Variants in HTR7 observed in about 807,000 individuals in gnomAD.
HTR7 encodes the protein 5-hydroxytryptamine receptor 7.
In HTR7, 16 loss-of-function variants were observed where a neutral mutation model predicts 34.0. The ratio of observed to expected loss-of-function variants is 0.47; its 90% CI spans 0.32 to 0.71. The LOEUF (loss-of-function observed/expected upper bound fraction) is 0.71. Among genes scored for constraint, HTR7 ranks in the 30% least tolerant of loss-of-function variants. The pLI is 0.04. For synonymous variants in HTR7, 265 were observed against 260.2 expected (o/e 1.02, Z -0.18); for missense variants, 504 against 625.5 (o/e 0.81, Z 2.07).
chr10:90,829,067 T>TG (rs1846126216), intron 1 of HTR7, among the ~76,000 whole-genome samples: 1 of 152,182 alleles, frequency 6.6e-6, no homozygotes, highest in South Asian at 2.1e-4. Flanking sequence ...GTGGGATTTA[T>TG]CCCAGGTATG....
At chr10:90,847,676 A>G (rs75515964) in intron 1 of HTR7, among the ~76,000 whole-genome samples, 5,285 of 152,280 alleles carry the variant, frequency 0.035, 114 homozygotes, top group Middle Eastern at 0.095. Context: ...TCAGAGCTAA[A>G]TATTACAGCT....
At chr10:90,826,347 C>T (rs1010421926) in intron 1 of HTR7, among the ~76,000 whole-genome samples, 1 of 152,006 alleles carries the variant, frequency 6.6e-6, no homozygotes, top group Non-Finnish European at 1.5e-5. Context: ...TACAAGTAAA[C>T]GGAATTTTTT....
chr10:90,769,384 AT>A (rs147096230), intron 1 of HTR7, among the ~76,000 whole-genome samples: 76 of 152,342 alleles, frequency 5.0e-4, no homozygotes, highest in African/African-American at 1.8e-3. Context: ...TTGTTAATTA[AT>A]TTGCCCATTT....
rs1391703997 is a variant in HTR7, at chr10:90,836,656, C to T, written c.539+20477G>A. The stretch of plus-strand genomic sequence containing the variant: ...CTCCTGAGTGGCTAGGACTTACAGG[C>T]GTGTACCACCACACCAGAATTTTTT... On this transcript the variant is annotated intron_variant, in intron 1 of 3. Coordinates refer to ENST00000336152, the MANE Select transcript of HTR7 (RefSeq NM_019859.4). 4.0e-5 allele frequency among the ~76,000 whole-genome samples: 6 copies of T among 151,752 alleles called. No individual in the cohort carries two copies. In the South Asian group the frequency reaches 1.3e-3, roughly 32 times the overall value.
chr10:90,780,976 C>G (rs1361420163), intron 1 of HTR7, among the ~76,000 whole-genome samples: 2 of 152,160 alleles, frequency 1.3e-5, no homozygotes, highest in Non-Finnish European at 2.9e-5. Flanking sequence ...ACATCTATGA[C>G]AGATATGGCT....
At chr10:90,769,269 A>T (rs1845070727) in intron 1 of HTR7, among the ~76,000 whole-genome samples, 1 of 152,180 alleles carries the variant, frequency 6.6e-6, no homozygotes. Context: ...TTGTCTCCAT[A>T]TTTCATACTT....
In HTR7 at chr10:90,742,468, C is replaced by G. The variant is rs533513395; in HGVS notation, c.*14G>C. The G allele has an allele frequency of 1.9e-6, 3 of 1,597,120 alleles. No homozygotes were observed. The highest frequency in any genetic ancestry group is 2.6e-6 in the Non-Finnish European group (3 of 1,170,900). On this transcript the variant is annotated 3_prime_UTR_variant, in exon 4 of 4. Transcript: ENST00000336152. ...CTATTTTGCCTTGTTTATTTCATCT[C>G]CATTGTTCTGCTTTCAATCATGAAT...
intron 1 of HTR7, among the ~76,000 whole-genome samples, chr10:90,834,713 C>A (rs1846228511): frequency 6.6e-6 from 1 of 152,070 alleles, no homozygotes; most frequent in Non-Finnish European, 1.5e-5. Flanking sequence ...TGGTAGCTAG[C>A]AGTCACAGGG....
chr10:90,783,201 G>A (rs1217774991), intron 1 of HTR7, among the ~76,000 whole-genome samples: 2 of 152,118 alleles, frequency 1.3e-5, no homozygotes, highest in Non-Finnish European at 2.9e-5. Context: ...TCAGGAGAAG[G>A]ATGAACTTAG....
At chr10:90,814,933 A>T (rs926913451) in intron 1 of HTR7, among the ~76,000 whole-genome samples, 1 of 152,206 alleles carries the variant, frequency 6.6e-6, no homozygotes, top group Non-Finnish European at 1.5e-5. Context: ...GTGAACCAAG[A>T]TATGGATTGA....
chr10:90,812,433 T>C lies in HTR7; in HGVS notation c.539+44700A>G, dbSNP rs1360141206. Among the ~76,000 whole-genome samples the C allele has an allele frequency of 3.9e-5, 6 of 152,384 alleles. No individual in the cohort carries two copies. The East Asian group carries it at 7.7e-4, about 20-fold the overall frequency. On this transcript the variant is annotated intron_variant, in intron 1 of 3. Coordinates refer to ENST00000336152, the MANE Select transcript of HTR7 (RefSeq NM_019859.4). ...TAAATAATCTTTGCTGGCAGGACTATGCTGAATCTCCTTAGGCACTCTCTA... is the reference window on the plus strand; with the variant it reads ...TAAATAATCTTTGCTGGCAGGACTACGCTGAATCTCCTTAGGCACTCTCTA...
chr10:90,851,053 G>A (rs955443227), intron 1 of HTR7, among the ~76,000 whole-genome samples: 1 of 151,856 alleles, frequency 6.6e-6, no homozygotes, highest in African/African-American at 2.4e-5. Flanking sequence ...GTAAATAAAC[G>A]ACAATAACAA....
intron 2 of HTR7, 139 bp downstream of exon 2, chr10:90,748,700 T>C: frequency 3.1e-6 from 3 of 974,838 alleles, no homozygotes; most frequent in Non-Finnish European, 4.6e-6. Context: ...CTGGAGTCTA[T>C]ACTGTTGTCA....
chr10:90,821,233 G>A (rs1845976003), intron 1 of HTR7, among the ~76,000 whole-genome samples: 1 of 152,092 alleles, frequency 6.6e-6, no homozygotes, highest in Non-Finnish European at 1.5e-5. Flanking sequence ...AAGAGGCACT[G>A]AAGAGGGTAG....
chr10:90,778,452 T>A (rs1351350284), intron 1 of HTR7, among the ~76,000 whole-genome samples: 1 of 151,730 alleles, frequency 6.6e-6, no homozygotes, highest in Non-Finnish European at 1.5e-5. Context: ...CTCTGCAGAG[T>A]CCCTACCAGC....
rs560980740 is a variant in HTR7, at chr10:90,849,327, G to C, written c.539+7806C>G. Among the ~76,000 whole-genome samples, 355 of 152,128 alleles carry C rather than the reference G, an allele frequency of 2.3e-3. 2 individuals carry two copies. Among genetic ancestry groups the C allele is most frequent in the Non-Finnish European group, 2.2e-3 (148 of 67,992 alleles). On this transcript the variant is annotated intron_variant, in intron 1 of 3. Coordinates refer to ENST00000336152, the MANE Select transcript of HTR7 (RefSeq NM_019859.4). ...TGCTCCATATCCTTCCCAACACTTG[G>C]TAGTTTTTTGACATTTTAATTGTTG...
At chr10:90,748,773 T>C (rs1345148098) in intron 2 of HTR7, 66 bp downstream of exon 2, 15 of 1,485,796 alleles carry the variant, frequency 1.0e-5, no homozygotes, top group Non-Finnish European at 1.4e-5. Flanking sequence ...CTTTCTGTGA[T>C]GTGCCTCAAA....
At chr10:90,801,625 C>G (rs1845628134) in intron 1 of HTR7, among the ~76,000 whole-genome samples, 1 of 152,202 alleles carries the variant, frequency 6.6e-6, no homozygotes, top group Non-Finnish European at 1.5e-5. Flanking sequence ...AGCAAAACTT[C>G]AGAGGGTCAA....
intron 1 of HTR7, among the ~76,000 whole-genome samples, chr10:90,783,752 T>C (rs543523732): frequency 1.3e-5 from 2 of 152,328 alleles, no homozygotes; most frequent in South Asian, 4.1e-4. Context: ...GGTTTATGTT[T>C]GCCTCTCCTT....
Sources: allele counts gnomAD v4.1 joint callset (sites outside exome capture counted in the v4.1 genomes callset), GRCh38; gene constraint gnomAD v4.1.1; transcripts MANE v1.5; gene names NCBI Gene and HGNC (gene_info 2026-07-23, HGNC 2026-07-21).